CUX1: variants seen among roughly 807,000 people sequenced by gnomAD.
CUX1 encodes cut like homeobox 1.
In CUX1, 31 loss-of-function variants were observed where a neutral mutation model predicts 158.8. The observed-to-expected ratio is 0.20, with a 90% CI of 0.15 to 0.26. The LOEUF (loss-of-function observed/expected upper bound fraction) is 0.26. Ranked by LOEUF, CUX1 falls within the 10% of genes least tolerant of loss-of-function variation. The pLI is 1.00. For missense variants in CUX1, 1,589 were observed against 2,014.6 expected (o/e 0.79, Z 4.04); for synonymous variants, 879 against 862.1 (o/e 1.02, Z -0.34).
chr7:101,960,025 A>G (rs1401732735), intron 2 of CUX1: 1 of 152,192 alleles, frequency 6.6e-6, no homozygotes, highest in East Asian at 1.9e-4. Context: ...GCACGGTCCC[A>G]TGAAATGAAA....
chr7:101,989,909 C>T (rs532672745), intron 2 of CUX1, among the ~76,000 whole-genome samples: 23 of 152,366 alleles, frequency 1.5e-4, no homozygotes, highest in African/African-American at 5.3e-4. Context: ...TCGGTGTGGG[C>T]ATCGCTTGCA....
chr7:102,097,396 C>T lies in CUX1; in HGVS notation c.301C>T (p.Leu101Phe), dbSNP rs782089593. Residue 101 changes from leucine to phenylalanine, a missense_variant, in exon 5 of 24, where the codon CTC becomes TTC. This residue lies in a region of CUX1 where 515 missense variants were observed against 574.4 expected (regional missense o/e 0.90). Transcript: ENST00000292535. ...PVPALDLGQQ[L>F]QLKVQRLHDI... ...ACCAGCTTTGGATCTCGGACAGCAA[C>T]TCCAGCTCAAAGTGCAGCGCCTGCA... 5 of 1,611,774 alleles carry T rather than the reference C, an allele frequency of 3.1e-6. No homozygotes were observed. Among genetic ancestry groups the T allele is most frequent in the Non-Finnish European group, 4.2e-6 (5 of 1,179,564 alleles).
intron 8 of CUX1, among the ~76,000 whole-genome samples, chr7:102,122,140 T>TA (rs1299092398): frequency 6.6e-6 from 1 of 152,160 alleles, no homozygotes; most frequent in African/African-American, 2.4e-5. Flanking sequence ...AGGGACAACT[T>TA]AAGCATCCTG....
chr7:102,248,815 G>A lies in CUX1; in HGVS notation c.4291G>A (p.Gly1431Ser), dbSNP rs1213597501. 8.9e-7 allele frequency: 1 copy of A among 1,127,044 alleles called. No individual in the cohort carries two copies. 69.8% of individuals were successfully genotyped at this position (1,127,044 alleles called of 1,614,324 possible). The change falls in exon 24 of 24, where the codon GGC becomes AGC. Residue 1431 changes from glycine (G) to serine (S), a missense_variant. Coordinates refer to ENST00000292535, the MANE Select transcript of CUX1 (RefSeq NM_181552.4). This position sits in a 1 kb window ranked among gnomAD's most constrained non-coding sequence, Gnocchi z 5.8. Reference sequence around the variant, plus strand: ...CTCAGCCGCCGCCGCGCCGGGGGAGGGCCCCGCGGCCCCGAGCTCCGCGCC... The same window carrying A: ...CTCAGCCGCCGCCGCGCCGGGGGAGAGCCCCGCGGCCCCGAGCTCCGCGCC... Reference protein sequence around the residue: ...ATSAAAAPGEGPAAPSSAPPP... With the variant: ...ATSAAAAPGESPAAPSSAPPP...
rs957631886 is a variant in CUX1 at position 101,872,020 on chromosome 7, C to CAAA, written c.31-44084_31-44082dup. 3.0e-3 allele frequency among the ~76,000 whole-genome samples: 431 copies of CAAA among 141,992 alleles called. 5 individuals carry two copies. The highest frequency in any genetic ancestry group is 6.5e-3 in the East Asian group (32 of 4,932). The allele number at this position is 141,992 out of a possible 152,430, so 93.2% of individuals were successfully genotyped here. On this transcript the variant is annotated intron_variant, in intron 1 of 23. Coordinates refer to ENST00000292535, the MANE Select transcript of CUX1 (RefSeq NM_181552.4). ...GCGACAGAGCGAGACTCCATCCCCCCAAAAAAAAAAAAAGAAAAGAAAGTT... is the reference window on the plus strand; with the variant it reads ...GCGACAGAGCGAGACTCCATCCCCCCAAAAAAAAAAAAAAAAGAAAAGAAAGTT...
intron 9 of CUX1, among the ~76,000 whole-genome samples, chr7:102,166,454 G>A (rs1021761262): frequency 1.4e-4 from 21 of 152,156 alleles, no homozygotes; most frequent in African/African-American, 5.1e-4. Context: ...CCACAGGGAA[G>A]TGATGTCTCA....
intron 18 of CUX1, among the ~76,000 whole-genome samples, 186 bp downstream of exon 18, chr7:102,202,390 G>C (rs962289339): frequency 6.6e-6 from 1 of 152,100 alleles, no homozygotes; most frequent in Non-Finnish European, 1.5e-5. Context: ...CCCATTTGCC[G>C]AGCCCCGACT....
At chr7:102,262,328 G>A (rs1554544061), downstream of CUX1, among the ~76,000 whole-genome samples, 1 of 151,948 alleles carries the variant, frequency 6.6e-6, no homozygotes, top group African/African-American at 2.4e-5. Flanking sequence ...AACCCAGGAG[G>A]CAGAGGTTGT....
chr7:101,847,808 CT>C (rs1795849793), intron 1 of CUX1, among the ~76,000 whole-genome samples: 1 of 151,816 alleles, frequency 6.6e-6, no homozygotes, highest in Non-Finnish European at 1.5e-5. Flanking sequence ...TGGCTCATGC[CT>C]GTAATCCCAG....
At chr7:102,115,788 T>C (rs1554491633) in intron 8 of CUX1, 1 of 152,392 alleles carries the variant, frequency 6.6e-6, no homozygotes, top group African/African-American at 2.4e-5. Flanking sequence ...CAAAGGAAAT[T>C]AGAGGTGTCC....
At chr7:101,821,656 C>CT (rs1373224584) in intron 1 of CUX1, among the ~76,000 whole-genome samples, 3 of 94,540 alleles carry the variant, frequency 3.2e-5, no homozygotes, top group Non-Finnish European at 4.5e-5. Flanking sequence ...CTTTTCTTTT[C>CT]TTTTTTTCTT....
intron 14 of CUX1, among the ~76,000 whole-genome samples, chr7:102,196,002 G>C (rs566870393): frequency 6.6e-6 from 1 of 152,228 alleles, no homozygotes; most frequent in African/African-American, 2.4e-5. Context: ...GCCGGGTCCA[G>C]TAGAGGTTTT....
intron 2 of CUX1, among the ~76,000 whole-genome samples, chr7:102,006,210 G>A (rs1208262241): frequency 6.6e-6 from 1 of 152,086 alleles, no homozygotes; most frequent in Admixed American, 6.6e-5. Flanking sequence ...TCGGAAGTCG[G>A]TCTCTTTCAG....
Position 102,252,596 on chromosome 7 carries a change from A to G in CUX1, c.*3554A>G. 3.0e-6 allele frequency: 3 copies of G among 985,402 alleles called. No individual in the cohort carries two copies. Among genetic ancestry groups the G allele is most frequent in the Non-Finnish European group, 3.6e-6 (3 of 829,926 alleles). 61.0% of individuals were successfully genotyped at this position (985,402 alleles called of 1,614,324 possible). A position where few individuals can be genotyped will look rare whatever the true frequency, so the allele number is the denominator to read the frequency against. On this transcript the variant is annotated 3_prime_UTR_variant, in exon 24 of 24. Coordinates refer to ENST00000292535, the MANE Select transcript of CUX1 (RefSeq NM_181552.4). ...CTAAGCAGAGGCTCGGGGTAAAATC[A>G]GTGTTTGCATTTAGCCTCTTGACCC...
intron 1 of CUX1, among the ~76,000 whole-genome samples, chr7:101,851,096 G>T (rs975235214): frequency 2.0e-5 from 3 of 152,128 alleles, no homozygotes; most frequent in Non-Finnish European, 4.4e-5. Flanking sequence ...GTGACAGAGC[G>T]AGAGTCTGTC....
At chr7:101,984,804 A>G (rs540064439) in intron 2 of CUX1, among the ~76,000 whole-genome samples, 3 of 152,224 alleles carry the variant, frequency 2.0e-5, no homozygotes, top group Non-Finnish European at 4.4e-5. Flanking sequence ...GAAGAAATAT[A>G]TGAATACGAG....
intron 1 of CUX1, among the ~76,000 whole-genome samples, chr7:101,859,998 T>TCCTC (rs1340729647): frequency 7.1e-6 from 1 of 140,196 alleles, no homozygotes; most frequent in African/African-American, 2.6e-5. Flanking sequence ...CTCCCTACCT[T>TCCTC]CCTCCCTTCC....
At position 102,147,056 on chromosome 7, in the gene CUX1, G is replaced by A. The variant is rs189820990; in HGVS notation, c.675-11504G>A. ...GTTACTTCCAGCAAAAATGAAAACC[G>A]CTATTTCCAGAAGGTTATCTGTAGG... On this transcript the variant is annotated intron_variant, in intron 8 of 23. Transcript: ENST00000292535. Among the ~76,000 whole-genome samples, 322 of 152,192 alleles carry A rather than the reference G, an allele frequency of 2.1e-3. 1 individual carries two copies. Among genetic ancestry groups the A allele is most frequent in the African/African-American group, 7.5e-3 (310 of 41,522 alleles).
chr7:102,175,690 C>T (rs918513840), intron 10 of CUX1, among the ~76,000 whole-genome samples: 9 of 152,202 alleles, frequency 5.9e-5, no homozygotes, highest in African/African-American at 9.7e-5. Context: ...ATTCCCCCCT[C>T]CTGTGGCTCA....
Sources: allele counts gnomAD v4.1 joint callset (sites outside exome capture counted in the v4.1 genomes callset), GRCh38; gene constraint gnomAD v4.1.1; regional missense constraint gnomAD v4.1.1; non-coding constraint Gnocchi (gnomAD v3.1); transcripts MANE v1.5; gene names NCBI Gene and HGNC (gene_info 2026-07-23, HGNC 2026-07-21).